Variants in PLCB1 observed in about 807,000 individuals in gnomAD.
PLCB1 encodes 1-phosphatidylinositol 4,5-bisphosphate phosphodiesterase beta-1.
In PLCB1, 46 loss-of-function variants were observed where a neutral mutation model predicts 161.8. That is an observed-to-expected ratio of 0.28 (90% CI 0.22 to 0.36). The LOEUF is 0.36. PLCB1 is among the 10% of genes least tolerant of loss of function. The pLI is 1.00. For missense variants in PLCB1, 1,016 were observed against 1,472.5 expected, an observed-to-expected ratio of 0.69 and a Z score of 5.07; for synonymous variants, 517 against 503.7, an observed-to-expected ratio of 1.03 and a Z score of -0.35.
At chr20:8,846,066 G>A (rs113344542) in intron 31 of PLCB1, among the ~76,000 whole-genome samples, 8 of 152,140 alleles carry the variant, frequency 5.3e-5, no homozygotes, top group Non-Finnish European at 5.9e-5. Context: ...CTGAGAGTGC[G>A]TAATTAATAA....
At chr20:8,504,318 G>A (rs1983541492) in intron 3 of PLCB1, among the ~76,000 whole-genome samples, 1 of 152,096 alleles carries the variant, frequency 6.6e-6, no homozygotes, top group African/African-American at 2.4e-5. Flanking sequence ...CAGTCCCCTT[G>A]AGCTATAAGT....
intron 2 of PLCB1, among the ~76,000 whole-genome samples, chr20:8,207,531 G>A (rs113224081): frequency 6.8e-6 from 1 of 146,210 alleles, no homozygotes; most frequent in Non-Finnish European, 1.5e-5. Flanking sequence ...TCCCAGAGGT[G>A]GTATTTTCTT....
chr20:8,189,721 A>C (rs2051946739), intron 2 of PLCB1, among the ~76,000 whole-genome samples: 1 of 152,058 alleles, frequency 6.6e-6, no homozygotes, highest in African/African-American at 2.4e-5. Context: ...CAGTCACCCA[A>C]ATTTTCAACA....
At position 8,760,392 on chromosome 20, in the gene PLCB1, T is replaced by C. The variant is rs779343687; in HGVS notation, c.2657-15T>C. ...AAAGTTGAAGAGGCTATTTATTTTATCTTTTATATTACAGGTTCTGTAAAG... is the reference window on the plus strand; with the variant it reads ...AAAGTTGAAGAGGCTATTTATTTTACCTTTTATATTACAGGTTCTGTAAAG... On this transcript the variant is annotated splice_polypyrimidine_tract_variant and intron_variant, in intron 24 of 31. Transcript: ENST00000338037. The C allele has an allele frequency of 1.9e-6, 3 of 1,556,468 alleles. 1 individual carries two copies. The South Asian group carries it at 3.4e-5, about 18-fold the overall frequency.
chr20:8,139,091 T>TTG (rs1405486169), intron 1 of PLCB1, among the ~76,000 whole-genome samples: 40 of 134,284 alleles, frequency 3.0e-4, no homozygotes, highest in Non-Finnish European at 1.1e-4. Flanking sequence ...GTTTTTTTTT[T>TTG]TTTTTTTTTT....
At chr20:8,301,757 G>A (rs1983922167) in intron 2 of PLCB1, among the ~76,000 whole-genome samples, 1 of 152,196 alleles carries the variant, frequency 6.6e-6, no homozygotes, top group Non-Finnish European at 1.5e-5. Context: ...CAGTACATTT[G>A]CTTTGAAGGA....
intron 3 of PLCB1, among the ~76,000 whole-genome samples, chr20:8,522,219 G>A (rs1984379528): frequency 1.3e-5 from 2 of 152,178 alleles, no homozygotes; most frequent in African/African-American, 4.8e-5. Context: ...GCTCCCCTTG[G>A]ATTGAACACA....
At chr20:8,161,935 T>C (rs1301467948) in intron 2 of PLCB1, among the ~76,000 whole-genome samples, 7 of 152,172 alleles carry the variant, frequency 4.6e-5, no homozygotes, top group Non-Finnish European at 1.0e-4. Context: ...GTGGCCTACT[T>C]TCTACTCAGA....
At chr20:8,363,301 T>C (rs1986602812) in intron 2 of PLCB1, among the ~76,000 whole-genome samples, 1 of 152,128 alleles carries the variant, frequency 6.6e-6, no homozygotes, top group African/African-American at 2.4e-5. Flanking sequence ...AATCAAGATG[T>C]CTCCTGGGCT....
At chr20:8,433,108 A>T (rs977084453) in intron 3 of PLCB1, among the ~76,000 whole-genome samples, 1 of 152,220 alleles carries the variant, frequency 6.6e-6, no homozygotes, top group Non-Finnish European at 1.5e-5. Flanking sequence ...AATTAGCTTT[A>T]GGGAGGACAG....
intron 3 of PLCB1, among the ~76,000 whole-genome samples, chr20:8,518,118 G>T (rs1036558236): frequency 1.3e-5 from 2 of 151,938 alleles, no homozygotes; most frequent in Non-Finnish European, 2.9e-5. Flanking sequence ...GGAGGCGGAG[G>T]TTGCAGTGAG....
At chr20:8,742,292 T>C (rs1167407731) in intron 23 of PLCB1, among the ~76,000 whole-genome samples, 3 of 152,112 alleles carry the variant, frequency 2.0e-5, no homozygotes, top group Non-Finnish European at 4.4e-5. Context: ...TCATATTTTA[T>C]TCAGAGGAAA....
intron 2 of PLCB1, among the ~76,000 whole-genome samples, chr20:8,168,651 A>G (rs1022251034): frequency 2.0e-5 from 3 of 152,094 alleles, no homozygotes; most frequent in Non-Finnish European, 2.9e-5. Flanking sequence ...TTGCAACAAG[A>G]TAGGGAAACC....
rs6039146 is a variant in PLCB1 at position 8,338,219 on chromosome 20, G to T, written c.178-33163G>T. Among the ~76,000 whole-genome samples, 520 of 151,938 alleles carry T rather than the reference G, an allele frequency of 3.4e-3. 3 individuals are homozygous for T. Among genetic ancestry groups the T allele is most frequent in the African/African-American group, 0.012 (485 of 41,454 alleles). On this transcript the variant is annotated intron_variant, in intron 2 of 31. Transcript: ENST00000338037. ...TTCTCATACTTCCAAAAATATAAAG[G>T]GCAGGATTTTAACAATGAGAGGCAT...
rs1980189416 is a variant in PLCB1 at position 8,233,835 on chromosome 20, C to T, written c.177+83464C>T. Among the ~76,000 whole-genome samples the T allele has an allele frequency of 3.9e-5, 6 of 152,276 alleles. No individual in the cohort carries two copies. The South Asian group carries it at 1.2e-3, about 32-fold the overall frequency. On this transcript the variant is annotated intron_variant, in intron 2 of 31. Transcript: ENST00000338037. Reference sequence around the variant, plus strand: ...TATTCTTACGTCAATGAAACAAACTCATCTACTCTTTTTGTGTGTCCACAT... The same window carrying T: ...TATTCTTACGTCAATGAAACAAACTTATCTACTCTTTTTGTGTGTCCACAT...
At chr20:8,274,071 T>G (rs1982413064) in intron 2 of PLCB1, among the ~76,000 whole-genome samples, 1 of 152,196 alleles carries the variant, frequency 6.6e-6, no homozygotes, top group Non-Finnish European at 1.5e-5. Flanking sequence ...CTGGATATTT[T>G]CAGTGGAAAA....
At chr20:8,505,291 C>T (rs992489214) in intron 3 of PLCB1, among the ~76,000 whole-genome samples, 5 of 152,150 alleles carry the variant, frequency 3.3e-5, no homozygotes, top group African/African-American at 1.2e-4. Context: ...AGTCTATTGC[C>T]TCCTTTCTCA....
intron 10 of PLCB1, among the ~76,000 whole-genome samples, chr20:8,685,570 C>CA (rs72078385): frequency 0.025 from 3,045 of 121,560 alleles, 85 homozygotes; most frequent in African/African-American, 0.049. Context: ...ACTAAAAATA[C>CA]AAAAAAAAAA....
intron 2 of PLCB1, among the ~76,000 whole-genome samples, chr20:8,294,491 C>T (rs978242382): frequency 6.6e-6 from 1 of 151,800 alleles, no homozygotes; most frequent in African/African-American, 2.4e-5. Context: ...CATACTTACA[C>T]ATATGTGTGC....
Sources: gnomAD v4.1 joint callset for allele counts (sites outside exome capture counted in the v4.1 genomes callset) on GRCh38, gnomAD v4.1.1 for gene constraint, MANE v1.5 for transcripts, NCBI Gene and HGNC (gene_info 2026-07-23, HGNC 2026-07-21) for gene names.